Variants in CCDC187 observed in about 807,000 individuals in gnomAD.
CCDC187 encodes coiled-coil domain-containing protein 187.
Under a neutral mutation model 38.0 loss-of-function variants are expected in CCDC187, and 32 were observed. That is an observed-to-expected ratio of 0.84 (90% CI 0.64 to 1.13). The LOEUF (loss-of-function observed/expected upper bound fraction) is 1.13. Among genes scored for constraint, CCDC187 ranks in the 50% most tolerant of loss-of-function variants. The probability of loss-of-function intolerance (pLI) is 0.00; values close to 1 mark genes in which losing one functional copy is unlikely to be tolerated. For synonymous variants in CCDC187, 333 were observed against 347.9 expected, an observed-to-expected ratio of 0.96 and a Z score of 0.48; for missense variants, 707 against 786.8, an observed-to-expected ratio of 0.90 and a Z score of 1.21.
In CCDC187 at chr9:136,258,575, G is replaced by A. The variant is rs1830643637; in HGVS notation, c.4366+357C>T. On this transcript the variant is annotated intron_variant, in intron 22 of 25. Coordinates refer to ENST00000638797, the MANE Select transcript of CCDC187 (RefSeq NM_001378188.1). This position sits in a 1 kb window ranked among gnomAD's most constrained non-coding sequence, Gnocchi z 4.3. ...CCCGGCCAAGTGTAAGGTTCAGAAA[G>A]AGAAAAATGTAATCGGTGCAGAAAC... Among the ~76,000 whole-genome samples, 1 of 152,204 alleles carries A rather than the reference G, an allele frequency of 6.6e-6. No individual in the cohort carries two copies. Among genetic ancestry groups the A allele is most frequent in the South Asian group, 2.1e-4 (1 of 4,832 alleles).
rs1830708163 is a variant in CCDC187, at chr9:136,263,757, G to A, written c.3777C>T (p.His1259=). Residue 1259 remains histidine (H), a synonymous_variant, in exon 18 of 26, where the codon CAC becomes CAT. Transcript: ENST00000638797. ...QYLRHTQLFR[H]RDRKLLLQHQ... ...GCTGCAGAAGCAGCTTCCTGTCCCG[G>A]TGCCTGAACAGCTGCGTGTGTCTCA... 1.3e-5 allele frequency: 13 copies of A among 985,494 alleles called. No homozygotes were observed. The highest frequency in any genetic ancestry group is 1.1e-5 in the Non-Finnish European group (9 of 829,952). The allele number at this position is 985,494 out of a possible 1,614,324, so 61.0% of individuals were successfully genotyped here.
rs1394522528 is a variant in CCDC187 at position 136,253,733 on chromosome 9, G to A, written c.6095C>T (p.Ser2032Leu). 1.0e-5 allele frequency: 10 copies of A among 985,482 alleles called. No homozygotes were observed. The highest frequency in any genetic ancestry group is 1.2e-5 in the Non-Finnish European group (10 of 830,022). The allele number at this position is 985,482 out of a possible 1,614,324, so 61.0% of individuals were successfully genotyped here. ...QSDGEDTNPC[S>L]DAFPSPPSGP... ...CGAGGGCGGGGAAGGGAAGGCATCC[G>A]AGCATGGGTTGGTGTCTTCACCATC... Residue 2032 changes from serine (S) to leucine (L), a missense_variant, in exon 26 of 26, where the codon TCG (serine) becomes TTG (leucine). Ser to Leu is a moderately radical substitution (Grantham distance 145). Coordinates refer to ENST00000638797, the MANE Select transcript of CCDC187 (RefSeq NM_001378188.1).
intron 18 of CCDC187, 60 bp downstream of exon 18, chr9:136,263,562 G>A (rs1453290729): frequency 1.8e-5 from 18 of 979,734 alleles, no homozygotes; most frequent in African/African-American, 1.4e-4. Context: ...GGACTTGCAC[G>A]ATCATGGGAA....
chr9:136,292,384 C>T (rs1831355561), intron 4 of CCDC187, 89 bp from the exon 5 acceptor site: 1 of 398,120 alleles, frequency 2.5e-6, no homozygotes, highest in African/African-American at 2.1e-5. Flanking sequence ...TCTGCAAGCG[C>T]CAGGAGGCCA....
intron 16 of CCDC187, chr9:136,266,510 T>C (rs1302949048): frequency 1.3e-5 from 2 of 152,236 alleles, no homozygotes; most frequent in African/African-American, 2.4e-5. Context: ...GCATTCTCAC[T>C]GACCCGGTCA....
intron 7 of CCDC187, among the ~76,000 whole-genome samples, chr9:136,289,326 T>C (rs1831254248): frequency 6.6e-6 from 1 of 151,984 alleles, no homozygotes; most frequent in Non-Finnish European, 1.5e-5. Flanking sequence ...GAGACTAGCC[T>C]GGCCAATGTG....
chr9:136,304,671 C>T (rs970177867), upstream of CCDC187, among the ~76,000 whole-genome samples: 1 of 152,286 alleles, frequency 6.6e-6, no homozygotes, highest in East Asian at 1.9e-4. Flanking sequence ...CAGTTCCCTC[C>T]CAGCTCCTTC....
intron 9 of CCDC187, 49 bp downstream of exon 9, chr9:136,285,464 C>CAGGTGGGCAGGTGGGCAGGT (rs1831156204): frequency 1.9e-5 from 1 of 52,676 alleles, no homozygotes; most frequent in African/African-American, 1.1e-4. Context: ...GGTGGGCAGG[C>CAGGTGGGCAGGTGGGCAGGT]GGGCAGGTGG....
chr9:136,279,924 T>C (rs1038465678), intron 10 of CCDC187, among the ~76,000 whole-genome samples: 3 of 152,122 alleles, frequency 2.0e-5, no homozygotes, highest in Non-Finnish European at 4.4e-5. Flanking sequence ...TCCTCTCTCC[T>C]TCTCGCCCTC....
chr9:136,278,381 T>G (rs1244557743), intron 10 of CCDC187, among the ~76,000 whole-genome samples: 2 of 152,292 alleles, frequency 1.3e-5, no homozygotes, highest in East Asian at 3.9e-4. Context: ...ATGAGCTGTT[T>G]GTTCCTGAGC....
At chr9:136,269,654 A>C (rs1830807655) in intron 14 of CCDC187, among the ~76,000 whole-genome samples, 1 of 152,260 alleles carries the variant, frequency 6.6e-6, no homozygotes, top group South Asian at 2.1e-4. Context: ...CAAAAGGAAA[A>C]ATTAAAAAAA....
intron 9 of CCDC187, among the ~76,000 whole-genome samples, chr9:136,283,350 C>T (rs1831091771): frequency 6.6e-6 from 1 of 152,270 alleles, no homozygotes; most frequent in African/African-American, 2.4e-5. Flanking sequence ...CAGATGGCAG[C>T]AGGTGGAACC....
At chr9:136,292,768 G>A (rs1420235750) in intron 4 of CCDC187, among the ~76,000 whole-genome samples, 2 of 152,296 alleles carry the variant, frequency 1.3e-5, no homozygotes, top group East Asian at 1.9e-4. Context: ...CGCTGGCCAC[G>A]TGTGCCGAGC....
intron 14 of CCDC187, among the ~76,000 whole-genome samples, chr9:136,268,802 A>G (rs1168453758): frequency 6.6e-6 from 1 of 152,216 alleles, no homozygotes; most frequent in African/African-American, 2.4e-5. Flanking sequence ...TTGAGGCAAC[A>G]TAGCACAGTG....
chr9:136,266,191 G>A, intron 16 of CCDC187, 148 bp from the exon 17 acceptor site: 1 of 270,760 alleles, frequency 3.7e-6, no homozygotes, highest in Non-Finnish European at 5.7e-6. Flanking sequence ...AGCCATGCGT[G>A]GACAGGCTTG....
intron 7 of CCDC187, among the ~76,000 whole-genome samples, chr9:136,289,444 G>A (rs1255687346): frequency 1.3e-5 from 2 of 149,882 alleles, no homozygotes; most frequent in Non-Finnish European, 3.0e-5. Context: ...ACTTGAACCT[G>A]GGAGGTGGAG....
chr9:136,287,668 AAGC>A (rs1308404076), intron 7 of CCDC187, among the ~76,000 whole-genome samples: 1 of 152,164 alleles, frequency 6.6e-6, no homozygotes, highest in African/African-American at 2.4e-5. Context: ...TCTGTGTGGC[AAGC>A]AGCAAGACTG....
At chr9:136,271,485 C>A (rs529998646) in intron 14 of CCDC187, among the ~76,000 whole-genome samples, 4 of 151,980 alleles carry the variant, frequency 2.6e-5, no homozygotes, top group African/African-American at 9.7e-5. Flanking sequence ...TGTGCCATTG[C>A]ACTCCAGCTT....
At chr9:136,278,185 G>A (rs1830970689) in intron 10 of CCDC187, among the ~76,000 whole-genome samples, 1 of 152,242 alleles carries the variant, frequency 6.6e-6, no homozygotes, top group African/African-American at 2.4e-5. Context: ...TTTTGCTTTT[G>A]TTTCATGGCC....
Sources: allele counts gnomAD v4.1 joint callset (sites outside exome capture counted in the v4.1 genomes callset), GRCh38; gene constraint gnomAD v4.1.1; non-coding constraint Gnocchi (gnomAD v3.1); transcripts MANE v1.5; gene names NCBI Gene and HGNC (gene_info 2026-07-23, HGNC 2026-07-21).